The following NLGN4X variants were observed in gnomAD, a reference collection of about 807,000 sequenced individuals.
NLGN4X encodes neuroligin-4, X-linked.
NLGN4X carries 3 observed loss-of-function variants against 40.3 expected under a neutral mutation model. The observed-to-expected ratio is 0.07, with a 90% CI of 0.03 to 0.19. The LOEUF is 0.19. Among genes scored for constraint, NLGN4X ranks in the 10% least tolerant of loss-of-function variants. The pLI is 1.00. For synonymous variants in NLGN4X, 270 were observed against 306.8 expected (o/e 0.88, Z 1.25); for missense variants, 382 against 708.3 (o/e 0.54, Z 5.23).
At chrX:6,082,653 T>C (rs940346908) in intron 2 of NLGN4X, among the ~76,000 whole-genome samples, 1 of 111,055 alleles carries the variant, frequency 9.0e-6, no homozygotes, top group African/African-American at 3.3e-5. Context: ...ATAAATAAAA[T>C]CTTTTTCACT....
chrX:5,918,442 A>G (rs905731781), intron 3 of NLGN4X, among the ~76,000 whole-genome samples: 1 of 112,142 alleles, frequency 8.9e-6, no homozygotes, highest in African/African-American at 3.2e-5. Flanking sequence ...CACGCTAGCA[A>G]AGTAAATATG....
intron 2 of NLGN4X, among the ~76,000 whole-genome samples, chrX:6,117,795 T>C (rs1237342907): frequency 8.9e-6 from 1 of 111,913 alleles, no homozygotes; most frequent in Non-Finnish European, 1.9e-5. Context: ...CGCATATGAG[T>C]GGATGTGCAA....
chrX:6,076,850 C>T (rs1456404406), intron 2 of NLGN4X, among the ~76,000 whole-genome samples: 1 of 112,250 alleles, frequency 8.9e-6, no homozygotes, highest in Non-Finnish European at 1.9e-5. Flanking sequence ...ATGAAGTTCA[C>T]TTGGATAACT....
At chrX:6,032,910 A>C (rs1297401010) in intron 2 of NLGN4X, among the ~76,000 whole-genome samples, 1 of 111,690 alleles carries the variant, frequency 9.0e-6, no homozygotes, top group Non-Finnish European at 1.9e-5. Context: ...GATTTCAAAA[A>C]AATGAGATAG....
At chrX:6,047,501 G>C (rs2037357259) in intron 2 of NLGN4X, among the ~76,000 whole-genome samples, 1 of 111,259 alleles carries the variant, frequency 9.0e-6, no homozygotes, top group South Asian at 3.8e-4. Flanking sequence ...TTTTTAAAAA[G>C]AGATGGATGA....
rs746573801 is a variant in NLGN4X, at chrX:6,022,106, T to C, written c.625+7174A>G. ...AATGCTTAACTTTCCTTTCTCCTCA[T>C]TTAACTTTTTGCAGTGTTTTGTTTT... On this transcript the variant is annotated intron_variant, in intron 3 of 5. Transcript: ENST00000381095. Among the ~76,000 whole-genome samples the C allele has an allele frequency of 5.3e-5, 6 of 112,349 alleles. No individual in the cohort carries two copies. In the South Asian group the frequency reaches 2.2e-3, roughly 42 times the overall value.
chrX:6,044,411 C>A (rs916945561), intron 2 of NLGN4X, among the ~76,000 whole-genome samples: 2 of 111,577 alleles, frequency 1.8e-5, no homozygotes, highest in African/African-American at 6.5e-5. Context: ...ATTCTTTTCC[C>A]ACCTTCTAAT....
At chrX:6,201,801 A>G (rs56714578) in intron 1 of NLGN4X, among the ~76,000 whole-genome samples, 1,838 of 110,917 alleles carry the variant, frequency 0.017, 35 homozygotes, top group African/African-American at 0.055. Context: ...CATATAGGCA[A>G]TGTTGTTGAA....
chrX:6,173,985 G>T (rs748766585), intron 1 of NLGN4X, among the ~76,000 whole-genome samples: 8 of 111,286 alleles, frequency 7.2e-5, no homozygotes, highest in African/African-American at 2.6e-4. Flanking sequence ...TTGAACCCAG[G>T]AGGTAGAGGT....
chrX:6,025,729 C>A (rs2036671408), intron 3 of NLGN4X, among the ~76,000 whole-genome samples: 2 of 109,872 alleles, frequency 1.8e-5, no homozygotes, highest in South Asian at 7.9e-4. Flanking sequence ...AATGGCAAAA[C>A]CCCGTCTCTA....
chrX:6,030,394 ATGTGTGTG>A, intron 2 of NLGN4X, among the ~76,000 whole-genome samples: 1 of 100,135 alleles, frequency 1.0e-5, no homozygotes, highest in African/African-American at 3.7e-5. Context: ...GGATACAGAT[ATGTGTGTG>A]TGTGTGTGTG....
Position 5,903,695 on chromosome X carries a change from T to G in NLGN4X, c.983A>C (p.Gln328Pro), listed in dbSNP as rs762323310. 5.0e-6 allele frequency: 6 copies of G among 1,209,973 alleles called. No homozygotes were observed. The South Asian group carries it at 8.8e-5, about 18-fold the overall frequency. Residue 328 changes from glutamine (Q) to proline (P), a missense_variant, in exon 5 of 6, where the codon CAG becomes CCG. Gln to Pro is a moderately conservative substitution (Grantham distance 76). Around this residue, in one of 5 missense-constraint regions of NLGN4X, gnomAD observed 29 missense variants for 32.1 expected, o/e 0.90. Coordinates refer to ENST00000381095, the MANE Select transcript of NLGN4X (RefSeq NM_181332.3). ...LRNKNYKELI[Q>P]QTITPATYHI... ...GTAGGTGGCCGGGGTGATGGTCTGCTGGATGAGCTCCTTGTAGTTCTTGTT... is the reference window on the plus strand; with the variant it reads ...GTAGGTGGCCGGGGTGATGGTCTGCGGGATGAGCTCCTTGTAGTTCTTGTT...
intron 3 of NLGN4X, among the ~76,000 whole-genome samples, chrX:5,983,360 C>T (rs1266516798): frequency 8.9e-6 from 1 of 112,076 alleles, no homozygotes; most frequent in East Asian, 2.8e-4. Flanking sequence ...CAGCAGAAAT[C>T]CCAAAGGAAT....
At position 6,030,393 on chromosome X, in the gene NLGN4X, TATGTGTG is replaced by T. The variant is rs1349921277; in HGVS notation, c.473-968_473-962del. On this transcript the variant is annotated intron_variant, in intron 2 of 5. Transcript: ENST00000381095. ...ACGTATAAATATTTCTGGATACAGA[TATGTGTG>T]TGTGTGTGTGTGTGTGTGTGTGTAC... Among the ~76,000 whole-genome samples, 19 of 28,899 alleles carry T rather than the reference TATGTGTG, an allele frequency of 6.6e-4. 1 individual carries two copies. The East Asian group carries it at 0.091, about 138-fold the overall frequency. The allele number at this position is 28,899 out of a possible 115,157, so 25.1% of individuals were successfully genotyped here. A position where few individuals can be genotyped will look rare whatever the true frequency, so the allele number is the denominator to read the frequency against.
chrX:5,912,322 AC>A (rs751475981), intron 3 of NLGN4X, among the ~76,000 whole-genome samples: 1 of 110,383 alleles, frequency 9.1e-6, no homozygotes, highest in African/African-American at 3.3e-5. Flanking sequence ...TGTTTTCCAC[AC>A]CCCTATCATT....
At chrX:5,949,752 T>G (rs1054037932) in intron 3 of NLGN4X, among the ~76,000 whole-genome samples, 1 of 111,951 alleles carries the variant, frequency 8.9e-6, no homozygotes, top group Non-Finnish European at 1.9e-5. Flanking sequence ...TTAATTCAAT[T>G]CAATCGATGG....
Position 6,000,229 on chromosome X carries a change from C to T in NLGN4X, c.625+29051G>A, listed in dbSNP as rs781740453. Among the ~76,000 whole-genome samples the T allele has an allele frequency of 1.2e-4, 14 of 112,060 alleles. No homozygotes were observed. In the South Asian group the frequency reaches 4.8e-3, roughly 39 times the overall value. On this transcript the variant is annotated intron_variant, in intron 3 of 5. Coordinates refer to ENST00000381095, the MANE Select transcript of NLGN4X (RefSeq NM_181332.3). ...TCCAGCTTTCCTGAATTCTAAAGAA[C>T]CTGATTAAAATTAACTCCCACTGAA... is the stretch of plus-strand genomic sequence containing the variant.
intron 2 of NLGN4X, among the ~76,000 whole-genome samples, chrX:6,130,355 C>T (rs764025948): frequency 1.8e-5 from 2 of 111,981 alleles, no homozygotes; most frequent in South Asian, 3.7e-4. Context: ...AATACAGTTA[C>T]TGTTGTTGTT....
intron 3 of NLGN4X, among the ~76,000 whole-genome samples, chrX:5,914,155 A>G (rs1469531736): frequency 8.9e-6 from 1 of 112,315 alleles, no homozygotes; most frequent in Non-Finnish European, 1.9e-5. Context: ...GATGACTAAA[A>G]ATAGGAATCA....
Sources: allele counts gnomAD v4.1 joint callset (sites outside exome capture counted in the v4.1 genomes callset), GRCh38; gene constraint gnomAD v4.1.1; regional missense constraint gnomAD v4.1.1; transcripts MANE v1.5; gene names NCBI Gene and HGNC (gene_info 2026-07-23, HGNC 2026-07-21).